VPS36: variants seen among roughly 807,000 people sequenced by gnomAD.
VPS36 encodes the protein vacuolar protein-sorting-associated protein 36.
VPS36 carries 31 observed loss-of-function variants against 63.5 expected under a neutral mutation model. The observed-to-expected ratio is 0.49, with a 90% CI of 0.37 to 0.66. The LOEUF (loss-of-function observed/expected upper bound fraction) is 0.66, where lower values mean the gene tolerates loss of function less well. VPS36 is among the 30% of genes least tolerant of loss of function. The pLI is 0.00. For synonymous variants in VPS36, 138 were observed against 157.2 expected, an observed-to-expected ratio of 0.88 and a Z score of 0.91; for missense variants, 338 against 463.7, an observed-to-expected ratio of 0.73 and a Z score of 2.49.
intron 6 of VPS36, among the ~76,000 whole-genome samples, chr13:52,427,923 A>G (rs1958119774): frequency 6.6e-6 from 1 of 152,174 alleles, no homozygotes; most frequent in Non-Finnish European, 1.5e-5. Context: ...AAGCACTACA[A>G]AGCTTTCCTG....
intron 2 of VPS36, among the ~76,000 whole-genome samples, chr13:52,440,781 T>C (rs530355611): frequency 3.3e-5 from 5 of 152,182 alleles, no homozygotes; most frequent in Admixed American, 6.5e-5. Context: ...TCTGAATATA[T>C]ATTACTTTTA....
intron 2 of VPS36, among the ~76,000 whole-genome samples, chr13:52,440,171 C>T (rs959038110): frequency 1.3e-5 from 2 of 151,498 alleles, no homozygotes; most frequent in African/African-American, 4.8e-5. Context: ...GAGAGAAGGA[C>T]TTTCACCATG....
chr13:52,442,499 C>T (rs1594123868), intron 1 of VPS36, 54 bp from the exon 2 acceptor site: 11 of 1,470,860 alleles, frequency 7.5e-6, no homozygotes, highest in East Asian at 6.9e-5. Flanking sequence ...ATTGTGGTTC[C>T]GATTTTCTTC....
At chr13:52,420,040 A>G (rs2137773433) in intron 10 of VPS36, among the ~76,000 whole-genome samples, 1 of 152,228 alleles carries the variant, frequency 6.6e-6, no homozygotes, top group African/African-American at 2.4e-5. Context: ...CAGGAGTTCA[A>G]GACCAGCCTG....
chr13:52,435,263 GC>G (rs1035875409), intron 4 of VPS36, among the ~76,000 whole-genome samples: 4 of 152,000 alleles, frequency 2.6e-5, no homozygotes, highest in African/African-American at 9.7e-5. Flanking sequence ...GAGCCACCGC[GC>G]CCGGCCACTT....
chr13:52,445,670 G>T (rs1235797828), intron 1 of VPS36, among the ~76,000 whole-genome samples: 14 of 138,130 alleles, frequency 1.0e-4, no homozygotes, highest in Non-Finnish European at 1.4e-4. Context: ...GGGCGCAGTG[G>T]CTCACGCCTG....
chr13:52,429,680 T>C (rs1255570360), intron 6 of VPS36, among the ~76,000 whole-genome samples: 1 of 152,208 alleles, frequency 6.6e-6, no homozygotes, highest in African/African-American at 2.4e-5. Flanking sequence ...GCACAATGCT[T>C]ATGTAGAATC....
intron 2 of VPS36, 136 bp downstream of exon 2, chr13:52,442,241 C>T: frequency 1.6e-6 from 1 of 610,212 alleles, no homozygotes; most frequent in Non-Finnish European, 2.6e-6. Context: ...GCCCCGGCTA[C>T]TCGGGAGGTT....
Position 52,442,490 on chromosome 13 carries a change from T to C in VPS36, c.97-45A>G, listed in dbSNP as rs754134301. 9 of 1,535,606 alleles carry C rather than the reference T, an allele frequency of 5.9e-6. No homozygotes were observed. In the Admixed American group the frequency reaches 7.8e-5, roughly 13 times the overall value. ...CAAAATATTAATAACATATCACTCATTGTGGTTCCGATTTTCTTCTTCATG... is the reference window on the plus strand; with the variant it reads ...CAAAATATTAATAACATATCACTCACTGTGGTTCCGATTTTCTTCTTCATG... On this transcript the variant is annotated intron_variant, in intron 1 of 13. Transcript: ENST00000378060.
At position 52,412,854 on chromosome 13, in the gene VPS36, A is replaced by G. The variant is rs144349087; in HGVS notation, c.*2976T>C. 1,122 of 152,542 alleles carry G rather than the reference A, an allele frequency of 7.4e-3. 6 individuals are homozygous for G. Among genetic ancestry groups the G allele is most frequent in the African/African-American group, 0.017 (698 of 41,588 alleles). 9.4% of individuals were successfully genotyped at this position (152,542 alleles called of 1,614,324 possible). A position where few individuals can be genotyped will look rare whatever the true frequency, so the allele number is the denominator to read the frequency against. The stretch of plus-strand genomic sequence containing the variant: ...GGGATGGGATTAGCAATAAATTTAC[A>G]TAAATTCAACCATACCTACTGGAAA... On this transcript the variant is annotated 3_prime_UTR_variant, in exon 14 of 14. Coordinates refer to ENST00000378060, the MANE Select transcript of VPS36 (RefSeq NM_016075.4).
chr13:52,448,700 T>C (rs2137815453), intron 1 of VPS36, among the ~76,000 whole-genome samples: 1 of 152,388 alleles, frequency 6.6e-6, no homozygotes, highest in African/African-American at 2.4e-5. Context: ...GGTTGTTATT[T>C]TACACTGTTT....
At chr13:52,422,239 T>A (rs1958054476) in intron 10 of VPS36, among the ~76,000 whole-genome samples, 1 of 152,232 alleles carries the variant, frequency 6.6e-6, no homozygotes, top group South Asian at 2.1e-4. Flanking sequence ...TCTGGCTTAC[T>A]TCACTTAACA....
intron 1 of VPS36, among the ~76,000 whole-genome samples, chr13:52,447,400 A>G (rs1430779509): frequency 6.6e-6 from 1 of 152,194 alleles, no homozygotes; most frequent in African/African-American, 2.4e-5. Flanking sequence ...ATATGCTGCC[A>G]ACTTGCCACT....
At chr13:52,445,005 C>T (rs1958323686) in intron 1 of VPS36, among the ~76,000 whole-genome samples, 1 of 152,154 alleles carries the variant, frequency 6.6e-6, no homozygotes, top group African/African-American at 2.4e-5. Flanking sequence ...AGAGTAAGGT[C>T]TGATTGTATT....
Position 52,426,153 on chromosome 13 carries a change from T to A in VPS36, c.640-87A>T. On this transcript the variant is annotated intron_variant, in intron 8 of 13. Coordinates refer to ENST00000378060, the MANE Select transcript of VPS36 (RefSeq NM_016075.4). Reference sequence around the variant, plus strand: ...CATCACAAATTCAATTCCACTCAATTATGTCTACATATCCCCATTCCTTCT... The same window carrying A: ...CATCACAAATTCAATTCCACTCAATAATGTCTACATATCCCCATTCCTTCT... 1.3e-6 allele frequency: 2 copies of A among 1,486,036 alleles called. 1 individual carries two copies. 92.1% of individuals were successfully genotyped at this position (1,486,036 alleles called of 1,614,324 possible).
At chr13:52,446,260 C>T (rs1792262690) in intron 1 of VPS36, among the ~76,000 whole-genome samples, 1 of 146,124 alleles carries the variant, frequency 6.8e-6, no homozygotes. Flanking sequence ...AGCGAGATTC[C>T]GTCTGAAAAA....
At chr13:52,449,959 C>G (rs1257923092) in intron 1 of VPS36, 2 of 985,444 alleles carry the variant, frequency 2.0e-6, no homozygotes, top group African/African-American at 3.5e-5. Context: ...CGAAGCAATC[C>G]CTCACCCCTC....
At chr13:52,445,638 CAAAA>C (rs1260034533) in intron 1 of VPS36, among the ~76,000 whole-genome samples, 1 of 36,764 alleles carries the variant, frequency 2.7e-5, no homozygotes, top group African/African-American at 1.1e-4. Flanking sequence ...GACTCCGTCT[CAAAA>C]AAAAAAAAAA....
chr13:52,423,950 C>T lies in VPS36; in HGVS notation c.775-311G>A, dbSNP rs147408328. On this transcript the variant is annotated intron_variant, in intron 9 of 13. Transcript: ENST00000378060. ...TCAGCTCACTGCAACCTCCACCTCC[C>T]GGGTTCAAGCAATTCTCCTGCCTCA... 7.6e-3 allele frequency among the ~76,000 whole-genome samples: 1,162 copies of T among 152,172 alleles called. 11 individuals carry two copies. The highest frequency in any genetic ancestry group is 0.026 in the African/African-American group (1,088 of 41,500).
Sources: allele counts gnomAD v4.1 joint callset (sites outside exome capture counted in the v4.1 genomes callset), GRCh38; gene constraint gnomAD v4.1.1; transcripts MANE v1.5; gene names NCBI Gene and HGNC (gene_info 2026-07-23, HGNC 2026-07-21).